BRWD1: variants seen among roughly 807,000 people sequenced by gnomAD.
The protein encoded by BRWD1 is bromodomain and WD repeat-containing protein 1.
In BRWD1, 82 loss-of-function variants were observed where a neutral mutation model predicts 251.2. The ratio of observed to expected loss-of-function variants is 0.33; its 90% confidence interval spans 0.27 to 0.39. The LOEUF (loss-of-function observed/expected upper bound fraction) is 0.39. Among genes scored for constraint, BRWD1 ranks in the 10% least tolerant of loss-of-function variants. The pLI is 1.00. For missense variants in BRWD1, 2,233 were observed against 2,711.6 expected, an observed-to-expected ratio of 0.82 and a Z score of 3.92; for synonymous variants, 918 against 902.8, an observed-to-expected ratio of 1.02 and a Z score of -0.30.
chr21:39,225,133 T>C lies in BRWD1; in HGVS notation c.3273A>G (p.Pro1091=). The part of the protein sequence containing the change: ...WWFGTVLSQE[P]YQPQYPDSHF... The stretch of plus-strand genomic sequence containing the variant: ...GACTATCAGGATACTGTGGTTGATA[T>C]GGCTCTTGACTTAACACTGTTCCAA... The change falls in exon 28 of 41, where the codon CCA becomes CCG. Residue 1091 remains proline (P), a synonymous_variant. Coordinates refer to ENST00000342449, the MANE Select transcript of BRWD1 (RefSeq NM_033656.4). 6.2e-7 allele frequency: 1 copy of C among 1,613,558 alleles called. No individual in the cohort carries two copies. The highest frequency in any genetic ancestry group is 2.2e-5 in the East Asian group (1 of 44,846).
At chr21:39,276,936 G>C (rs1453099750) in intron 11 of BRWD1, among the ~76,000 whole-genome samples, 2 of 151,964 alleles carry the variant, frequency 1.3e-5, no homozygotes, top group Non-Finnish European at 2.9e-5. Context: ...AATTAGAATA[G>C]AATTAACAAA....
chr21:39,245,461 C>T (rs2034152191), intron 21 of BRWD1, among the ~76,000 whole-genome samples: 1 of 152,130 alleles, frequency 6.6e-6, no homozygotes, highest in Admixed American at 6.6e-5. Flanking sequence ...GATTTAAACT[C>T]AAACCCCATG....
chr21:39,247,613 A>G (rs2034240822), intron 21 of BRWD1, 88 bp downstream of exon 21: 12 of 1,330,584 alleles, frequency 9.0e-6, no homozygotes, highest in Non-Finnish European at 1.2e-5. Context: ...GTGTTTTCAT[A>G]TAAATTTGGG....
At chr21:39,294,654 C>CA (rs35545105) in intron 7 of BRWD1, among the ~76,000 whole-genome samples, 44,010 of 98,510 alleles carry the variant, frequency 0.45, 8,667 homozygotes, top group Middle Eastern at 0.63. Context: ...GACTCCGTCT[C>CA]AAAAAAAAAA....
chr21:39,301,785 T>C (rs936926576), intron 4 of BRWD1, among the ~76,000 whole-genome samples: 1 of 148,850 alleles, frequency 6.7e-6, no homozygotes, highest in African/African-American at 2.5e-5. Flanking sequence ...AAAATAAAAA[T>C]CCTAAAAGCA....
intron 4 of BRWD1, among the ~76,000 whole-genome samples, chr21:39,312,381 G>T (rs1429474203): frequency 3.3e-5 from 5 of 152,244 alleles, no homozygotes; most frequent in Non-Finnish European, 7.3e-5. Flanking sequence ...CTCAACACAA[G>T]AACATTTCTC....
intron 31 of BRWD1, chr21:39,217,106 T>A (rs1158293139): frequency 7.9e-5 from 4 of 50,414 alleles, no homozygotes; most frequent in African/African-American, 2.5e-4. Context: ...TTTTTTTTTT[T>A]AATTGCTTAG....
rs13046783 is a variant in BRWD1, at chr21:39,224,258, C to T, written c.3382+150G>A. The T allele has an allele frequency of 2.1e-3, 996 of 481,870 alleles. 2 individuals carry two copies. Among genetic ancestry groups the T allele is most frequent in the Non-Finnish European group, 2.9e-3 (794 of 273,872 alleles). The allele number at this position is 481,870 out of a possible 1,614,324, so 29.8% of individuals were successfully genotyped here. A position where few individuals can be genotyped will look rare whatever the true frequency, so the allele number is the denominator to read the frequency against. The stretch of plus-strand genomic sequence containing the variant: ...CAAGAATTAACAAAACAGATAAACA[C>T]GATGCTGTTGTCTTCTTTCAGTAAA... On this transcript the variant is annotated intron_variant, in intron 29 of 40. Transcript: ENST00000342449.
At chr21:39,299,338 G>A (rs2036045475) in intron 4 of BRWD1, among the ~76,000 whole-genome samples, 2 of 151,554 alleles carry the variant, frequency 1.3e-5, no homozygotes, top group South Asian at 4.2e-4. Flanking sequence ...GATCCTATAA[G>A]ACATCATTTA....
intron 21 of BRWD1, among the ~76,000 whole-genome samples, chr21:39,242,994 T>C (rs2034054876): frequency 6.6e-6 from 1 of 152,174 alleles, no homozygotes. Flanking sequence ...AGATTAATGT[T>C]GTTTTCATGC....
intron 29 of BRWD1, among the ~76,000 whole-genome samples, chr21:39,222,161 A>T (rs1352580901): frequency 1.3e-5 from 2 of 152,178 alleles, no homozygotes; most frequent in Non-Finnish European, 2.9e-5. Context: ...CAAAAGGTTA[A>T]ACAGAGTTAC....
chr21:39,248,720 G>A (rs1002335993), intron 20 of BRWD1, among the ~76,000 whole-genome samples: 15 of 149,518 alleles, frequency 1.0e-4, no homozygotes, highest in African/African-American at 2.7e-4. Flanking sequence ...AGCAGATGCT[G>A]GTGAAGTTGC....
At position 39,190,322 on chromosome 21, in the gene BRWD1, A is replaced by T. The variant is rs2031487147; in HGVS notation, c.*5937T>A. The T allele has an allele frequency of 2.0e-6, 2 of 984,834 alleles. No individual in the cohort carries two copies. Among genetic ancestry groups the T allele is most frequent in the Non-Finnish European group, 2.4e-6 (2 of 829,402 alleles). The allele number at this position is 984,834 out of a possible 1,614,324, so 61.0% of individuals were successfully genotyped here. On this transcript the variant is annotated 3_prime_UTR_variant, in exon 41 of 41. Transcript: ENST00000342449. Reference sequence around the variant, plus strand: ...TTCCTAAATTCAAAGTAAACTGCATATGGTTACTACAGAAGCATTATAAAA... The same window carrying T: ...TTCCTAAATTCAAAGTAAACTGCATTTGGTTACTACAGAAGCATTATAAAA...
intron 8 of BRWD1, among the ~76,000 whole-genome samples, chr21:39,285,574 A>T (rs2035606561): frequency 6.6e-6 from 1 of 152,208 alleles, no homozygotes; most frequent in Non-Finnish European, 1.5e-5. Flanking sequence ...GAAACATCAC[A>T]CTGTATTCTT....
At chr21:39,278,682 T>G (rs2035354857) in intron 10 of BRWD1, 61 bp downstream of exon 10, 7 of 1,278,952 alleles carry the variant, frequency 5.5e-6, no homozygotes, top group African/African-American at 1.6e-5. Context: ...AGCAACCAAG[T>G]GGTCATTTAA....
rs1363120582 is a variant in BRWD1, at chr21:39,298,602, T to TAA, written c.199-22_199-21dup. 1.9e-6 allele frequency: 3 copies of TAA among 1,563,434 alleles called. No homozygotes were observed. Among genetic ancestry groups the TAA allele is most frequent in the Admixed American group, 2.0e-5 (1 of 49,426 alleles). Reference sequence around the variant, plus strand: ...CAAGACCTAGTTGGAGAGCAAGTTTTAATGACAACAGCTTAATAATATCAA... The same window carrying TAA: ...CAAGACCTAGTTGGAGAGCAAGTTTTAAAATGACAACAGCTTAATAATATCAA... On this transcript the variant is annotated intron_variant, in intron 4 of 40. Coordinates refer to ENST00000342449, the MANE Select transcript of BRWD1 (RefSeq NM_033656.4).
chr21:39,250,805 G>A lies in BRWD1; in HGVS notation c.2340C>T (p.Leu780=), dbSNP rs146415119. The A allele has an allele frequency of 1.4e-3, 2,178 of 1,581,220 alleles. No homozygotes were observed. The highest frequency in any genetic ancestry group is 1.8e-3 in the Non-Finnish European group (2,076 of 1,161,834). The change falls in exon 20 of 41, where the codon CTC becomes CTT. Residue 780 remains leucine (L), a synonymous_variant. Coordinates refer to ENST00000342449, the MANE Select transcript of BRWD1 (RefSeq NM_033656.4). The part of the protein sequence containing the change: ...IIGRKRKTLQ[L]SHKSDSVVLV... ...ACAGAATTTAGGTTACCTTATGTGA[G>A]AGCTGAAGAGTCTTTCTTTTTCTTC...
chr21:39,261,249 C>T (rs2034734588), intron 17 of BRWD1, among the ~76,000 whole-genome samples: 1 of 152,054 alleles, frequency 6.6e-6, no homozygotes, highest in Non-Finnish European at 1.5e-5. Flanking sequence ...TAATTAAATA[C>T]TGTTATGTGT....
intron 31 of BRWD1, chr21:39,216,765 G>A (rs2032909443): frequency 8.0e-6 from 3 of 375,286 alleles, no homozygotes; most frequent in African/African-American, 4.3e-5. Flanking sequence ...CACCTGTTCA[G>A]ACCATTGCTT....
Sources: allele counts gnomAD v4.1 joint callset (sites outside exome capture counted in the v4.1 genomes callset), GRCh38; gene constraint gnomAD v4.1.1; transcripts MANE v1.5; gene names NCBI Gene and HGNC (gene_info 2026-07-23, HGNC 2026-07-21).